Variants in NOX4 observed in about 807,000 individuals in gnomAD.
The protein encoded by NOX4 is NADPH oxidase 4.
Under a neutral mutation model 87.6 loss-of-function variants are expected in NOX4, and 69 were observed. That is an observed-to-expected ratio of 0.79 (90% CI 0.65 to 0.96). The LOEUF (loss-of-function observed/expected upper bound fraction) is 0.96. NOX4 is among the 40% of genes least tolerant of loss of function. The pLI is 0.00. For missense variants in NOX4, 680 were observed against 681.5 expected (o/e 1.00, Z 0.02); for synonymous variants, 275 against 238.2 (o/e 1.15, Z -1.42).
In NOX4 at chr11:89,339,463, A is replaced by C. The variant is rs74503731; in HGVS notation, c.1446+600T>G. On this transcript the variant is annotated intron_variant, in intron 15 of 17. Coordinates refer to ENST00000263317, the MANE Select transcript of NOX4 (RefSeq NM_016931.5). ...TAAGAGAGGATTTTACTTTATCAGA[A>C]TTGTTTGAAATATTTGTAGCAAGGA... Among the ~76,000 whole-genome samples, 23 of 152,308 alleles carry C rather than the reference A, an allele frequency of 1.5e-4. 1 individual carries two copies. In the East Asian group the frequency reaches 4.4e-3, roughly 29 times the overall value.
the NOX4 span, among the ~76,000 whole-genome samples, chr11:89,584,715 A>C: frequency 6.6e-6 from 1 of 152,154 alleles, no homozygotes; most frequent in African/African-American, 2.4e-5. Context: ...GTAGTTCAAG[A>C]ATTGAGCATT....
intron 2 of NOX4, among the ~76,000 whole-genome samples, chr11:89,470,980 A>T (rs1945911776): frequency 6.6e-6 from 1 of 151,920 alleles, no homozygotes; most frequent in Admixed American, 6.6e-5. Flanking sequence ...TACCAGATGG[A>T]CTCTTTATTA....
At chr11:89,430,501 C>A (rs1359440804) in intron 7 of NOX4, among the ~76,000 whole-genome samples, 1 of 152,178 alleles carries the variant, frequency 6.6e-6, no homozygotes, top group African/African-American at 2.4e-5. Context: ...GCAACTTCAG[C>A]AAAGTCTCAG....
At chr11:89,388,427 G>T (rs1442154540) in intron 11 of NOX4, among the ~76,000 whole-genome samples, 1 of 152,072 alleles carries the variant, frequency 6.6e-6, no homozygotes, top group Non-Finnish European at 1.5e-5. Context: ...TCAGTTGGGG[G>T]TTACAAAGAT....
chr11:89,494,553 A>G (rs1290392583), upstream of NOX4, among the ~76,000 whole-genome samples: 1 of 152,218 alleles, frequency 6.6e-6, no homozygotes, highest in East Asian at 1.9e-4. Context: ...AGCTTGACAC[A>G]TAGTAGGAAT....
the NOX4 span, among the ~76,000 whole-genome samples, chr11:89,567,827 G>A: frequency 1.3e-5 from 2 of 152,166 alleles, no homozygotes; most frequent in Non-Finnish European, 2.9e-5. Flanking sequence ...CCATAACCCA[G>A]CCCCTGCTGG....
upstream of NOX4, among the ~76,000 whole-genome samples, chr11:89,493,352 C>T (rs895460371): frequency 8.6e-5 from 13 of 151,254 alleles, no homozygotes; most frequent in Admixed American, 1.3e-4. Flanking sequence ...ACCACTGCAC[C>T]CAACCCAGCC....
At chr11:89,438,838 T>TGTA (rs1944280640) in intron 6 of NOX4, among the ~76,000 whole-genome samples, 1 of 37,120 alleles carries the variant, frequency 2.7e-5, no homozygotes, top group Admixed American at 5.6e-4. Context: ...TCTTATATAT[T>TGTA]ATATATATTA....
the NOX4 span, among the ~76,000 whole-genome samples, chr11:89,583,680 A>G: frequency 6.6e-6 from 1 of 152,112 alleles, no homozygotes; most frequent in African/African-American, 2.4e-5. Flanking sequence ...AGCAATGGGA[A>G]AAACTTCTGT....
At chr11:89,454,191 C>T (rs934771688) in intron 2 of NOX4, among the ~76,000 whole-genome samples, 1 of 152,016 alleles carries the variant, frequency 6.6e-6, no homozygotes, top group African/African-American at 2.4e-5. Flanking sequence ...TATGTTTTAA[C>T]CTTTTTCTCT....
At chr11:89,430,249 G>A (rs375841279) in intron 7 of NOX4, among the ~76,000 whole-genome samples, 2 of 152,094 alleles carry the variant, frequency 1.3e-5, no homozygotes, top group Non-Finnish European at 2.9e-5. Context: ...CCAATATCAT[G>A]CTGAATGGGC....
chr11:89,570,369 G>A, the NOX4 span, among the ~76,000 whole-genome samples: 21 of 149,766 alleles, frequency 1.4e-4, no homozygotes, highest in African/African-American at 2.2e-4. Context: ...GAAGGAGAGT[G>A]AGGTGTGAAA....
chr11:89,360,264 T>G (rs1280717339), intron 12 of NOX4, among the ~76,000 whole-genome samples: 1 of 152,096 alleles, frequency 6.6e-6, no homozygotes, highest in African/African-American at 2.4e-5. Flanking sequence ...CAAATCTTTC[T>G]TCACTCATAC....
intron 2 of NOX4, among the ~76,000 whole-genome samples, chr11:89,457,065 C>G (rs894091319): frequency 1.3e-5 from 2 of 152,160 alleles, no homozygotes; most frequent in Non-Finnish European, 2.9e-5. Flanking sequence ...CACTGGAAGA[C>G]TGTGTCTGTT....
intron 2 of NOX4, among the ~76,000 whole-genome samples, chr11:89,477,046 C>T (rs1946195217): frequency 6.6e-6 from 1 of 152,078 alleles, no homozygotes; most frequent in Admixed American, 6.6e-5. Context: ...GACAATTTTT[C>T]CAGATTGGTG....
chr11:89,535,876 G>A, the NOX4 span, among the ~76,000 whole-genome samples: 5 of 152,212 alleles, frequency 3.3e-5, no homozygotes, highest in East Asian at 9.6e-4. Flanking sequence ...AAATAAAGCA[G>A]TCTATTTATT....
At chr11:89,485,810 A>G (rs927289812) in intron 2 of NOX4, among the ~76,000 whole-genome samples, 1 of 152,096 alleles carries the variant, frequency 6.6e-6, no homozygotes. Context: ...TTCGGTGTTC[A>G]TTTTGGCTTC....
chr11:89,336,344 G>A (rs1170194173), intron 16 of NOX4, among the ~76,000 whole-genome samples: 1 of 151,722 alleles, frequency 6.6e-6, no homozygotes, highest in African/African-American at 2.4e-5. Context: ...AATTCTAATT[G>A]GTCAATCTCA....
the NOX4 span, among the ~76,000 whole-genome samples, chr11:89,571,497 A>G: frequency 7.2e-5 from 11 of 151,942 alleles, no homozygotes; most frequent in African/African-American, 2.7e-4. Flanking sequence ...GCATTTCACC[A>G]CATTGGCCAG....
Sources: gnomAD v4.1 joint callset for allele counts (sites outside exome capture counted in the v4.1 genomes callset) on GRCh38, gnomAD v4.1.1 for gene constraint, MANE v1.5 for transcripts, NCBI Gene and HGNC (gene_info 2026-07-23, HGNC 2026-07-21) for gene names.